Variants in ANKAR observed in about 807,000 individuals in gnomAD.
ANKAR encodes the protein ankyrin and armadillo repeat containing, also known as ankyrin and armadillo repeat-containing protein.
ANKAR carries 136 observed loss-of-function variants against 146.2 expected under a neutral mutation model. That is an observed-to-expected ratio of 0.93 (90% CI 0.81 to 1.07). The LOEUF (loss-of-function observed/expected upper bound fraction) is 1.07, where lower values mean the gene tolerates loss of function less well. ANKAR is among the 50% of genes least tolerant of loss of function. ANKAR has a pLI of 0.00. For synonymous variants in ANKAR, 500 were observed against 575.8 expected, an observed-to-expected ratio of 0.87 and a Z score of 1.88; for missense variants, 1,567 against 1,679.9, an observed-to-expected ratio of 0.93 and a Z score of 1.18.
At chr2:189,696,120 A>AT in intron 6 of ANKAR, 30 bp from the exon 7 acceptor site, 4 of 1,605,196 alleles carry the variant, frequency 2.5e-6, no homozygotes, top group East Asian at 2.2e-5. Context: ...GTGCATTTTG[A>AT]TAAACTGATT....
Position 189,728,104 on chromosome 2 carries a change from A to C in ANKAR, c.2877+7A>C. ...TCTTTTAAAACTCCTAAAGGTAGGAATTTTATGATTACTGGTCATTTTTCT... is the reference window on the plus strand; with the variant it reads ...TCTTTTAAAACTCCTAAAGGTAGGACTTTTATGATTACTGGTCATTTTTCT... On this transcript the variant is annotated splice_region_variant and intron_variant, in intron 13 of 22. Transcript: ENST00000684021. 6.3e-7 allele frequency: 1 copy of C among 1,592,516 alleles called. No homozygotes were observed. Among genetic ancestry groups the C allele is most frequent in the Non-Finnish European group, 8.6e-7 (1 of 1,169,472 alleles).
At chr2:189,722,688 C>T (rs920177511) in intron 12 of ANKAR, among the ~76,000 whole-genome samples, 2 of 151,988 alleles carry the variant, frequency 1.3e-5, no homozygotes, top group African/African-American at 4.8e-5. Context: ...CAAGACCATC[C>T]TGGCCAACAT....
rs1293819824 is a variant in ANKAR, at chr2:189,742,953, CA to C, written c.3811-321del. On this transcript the variant is annotated intron_variant, in intron 20 of 22. Transcript: ENST00000684021. ...ACACACACACACACACACACACACA[CA>C]CACACACACACACACACACACACAC... Among the ~76,000 whole-genome samples the C allele has an allele frequency of 7.7e-5, 11 of 143,624 alleles. No individual in the cohort carries two copies. The South Asian group carries it at 1.1e-3, about 14-fold the overall frequency. 94.2% of individuals were successfully genotyped at this position (143,624 alleles called of 152,430 possible).
At chr2:189,721,383 AAT>A in intron 12 of ANKAR, among the ~76,000 whole-genome samples, 2 of 152,316 alleles carry the variant, frequency 1.3e-5, no homozygotes, top group African/African-American at 4.8e-5. Context: ...TATCAATGGA[AAT>A]ATTGGCATGG....
chr2:189,762,729 C>G (rs565278237), downstream of ANKAR: 12 of 985,490 alleles, frequency 1.2e-5, no homozygotes, highest in Middle Eastern at 5.2e-4. Flanking sequence ...CCTTTCCCTA[C>G]TAAAGACTGT....
At chr2:189,727,199 A>G (rs1025060335) in intron 12 of ANKAR, among the ~76,000 whole-genome samples, 2 of 152,164 alleles carry the variant, frequency 1.3e-5, no homozygotes, top group Non-Finnish European at 2.9e-5. Context: ...AAACAAAATG[A>G]GACAGCTATC....
intron 10 of ANKAR, among the ~76,000 whole-genome samples, chr2:189,716,890 T>C (rs2040537461): frequency 6.6e-6 from 1 of 151,996 alleles, no homozygotes; most frequent in African/African-American, 2.4e-5. Context: ...TAGCCATATG[T>C]AGAAAGCTGA....
downstream of ANKAR, chr2:189,762,482 T>C: frequency 1.6e-6 from 1 of 644,566 alleles, no homozygotes; most frequent in Non-Finnish European, 1.9e-6. Flanking sequence ...CTAGAGGAAT[T>C]AGATTTGCAT....
chr2:189,677,417 GTAGTCTT>G (rs1205862507), intron 2 of ANKAR, among the ~76,000 whole-genome samples: 1 of 152,104 alleles, frequency 6.6e-6, no homozygotes, highest in Non-Finnish European at 1.5e-5. Context: ...TACCCCATGT[GTAGTCTT>G]TTATCCCTCA....
intron 2 of ANKAR, among the ~76,000 whole-genome samples, chr2:189,681,330 C>CT (rs1371735975): frequency 1.3e-5 from 2 of 152,172 alleles, no homozygotes; most frequent in Non-Finnish European, 2.9e-5. Context: ...TGTTGTGTAA[C>CT]TAAGGGAAGA....
At chr2:189,746,252 TG>T in intron 22 of ANKAR, 127 bp from the exon 23 acceptor site, 1 of 1,133,524 alleles carries the variant, frequency 8.8e-7, no homozygotes, top group Non-Finnish European at 1.2e-6. Flanking sequence ...TCTAAATGTC[TG>T]GAAGTACTGA....
At chr2:189,699,483 G>C (rs1321004849) in intron 7 of ANKAR, among the ~76,000 whole-genome samples, 2 of 152,094 alleles carry the variant, frequency 1.3e-5, no homozygotes, top group African/African-American at 4.8e-5. Flanking sequence ...TTCACCTGTA[G>C]TGTAAGTACC....
downstream of ANKAR, chr2:189,761,585 ACTTTC>A (rs1325760054): frequency 4.3e-6 from 7 of 1,610,164 alleles, no homozygotes; most frequent in Admixed American, 5.0e-5. Flanking sequence ...AAATTCATAA[ACTTTC>A]CTTTTTGATG....
chr2:189,680,669 A>G (rs1459231189), intron 2 of ANKAR, among the ~76,000 whole-genome samples: 1 of 151,970 alleles, frequency 6.6e-6, no homozygotes, highest in Non-Finnish European at 1.5e-5. Flanking sequence ...TTAAATTTCC[A>G]TCTTGATTTC....
intron 4 of ANKAR, 97 bp from the exon 5 acceptor site, chr2:189,692,977 T>C: frequency 1.7e-6 from 1 of 602,432 alleles, no homozygotes; most frequent in South Asian, 3.1e-5. Context: ...AAATTTAAAA[T>C]TTGTCATTTA....
At chr2:189,715,583 A>G (rs2040351053) in intron 10 of ANKAR, among the ~76,000 whole-genome samples, 1 of 152,212 alleles carries the variant, frequency 6.6e-6, no homozygotes, top group Admixed American at 6.5e-5. Flanking sequence ...TTCCTAACTC[A>G]TTTTATGAGG....
intron 18 of ANKAR, chr2:189,755,251 CAACA>C: frequency 6.2e-7 from 1 of 1,613,514 alleles, no homozygotes; most frequent in Non-Finnish European, 8.5e-7. Context: ...GAACTAATGC[CAACA>C]GACAGTGACC....
In ANKAR at chr2:189,696,237, A is replaced by G. The variant is rs2037185722; in HGVS notation, c.1576A>G (p.Ile526Val). ...TFSRKTSSST[I>V]NVSDEAGYTI... ...TAGCCGTAAAACCTCAAGCTCAACA[A>G]TCAATGTTTCAGATGAAGCAGGTTA... Residue 526 changes from isoleucine (I) to valine (V), a missense_variant, in exon 7 of 23, where the codon ATC becomes GTC. Coordinates refer to ENST00000684021, the MANE Select transcript of ANKAR (RefSeq NM_001378068.1). 1.2e-6 allele frequency: 2 copies of G among 1,614,016 alleles called. No homozygotes were observed.
chr2:189,756,646 G>A (rs2046133577), intron 18 of ANKAR, among the ~76,000 whole-genome samples: 2 of 151,892 alleles, frequency 1.3e-5, no homozygotes, highest in African/African-American at 4.8e-5. Context: ...TTTGTTAGTG[G>A]CATCAAATAA....
Sources: allele counts gnomAD v4.1 joint callset (sites outside exome capture counted in the v4.1 genomes callset), GRCh38; gene constraint gnomAD v4.1.1; transcripts MANE v1.5; gene names NCBI Gene and HGNC (gene_info 2026-07-23, HGNC 2026-07-21).